The following PDE1A variants were observed in gnomAD, a reference collection of about 807,000 sequenced individuals.
The protein encoded by PDE1A is dual specificity calcium/calmodulin-dependent 3',5'-cyclic nucleotide phosphodiesterase 1A.
In PDE1A, 35 loss-of-function variants were observed where a neutral mutation model predicts 61.7. The ratio of observed to expected loss-of-function variants is 0.57; its 90% CI spans 0.43 to 0.75. PDE1A has a LOEUF of 0.75. PDE1A is among the 30% of genes least tolerant of loss of function. The pLI is 0.00. For synonymous variants in PDE1A, 232 were observed against 213.2 expected (o/e 1.09, Z -0.77); for missense variants, 597 against 630.6 (o/e 0.95, Z 0.57).
rs553915232 is a variant in PDE1A, at chr2:182,212,574, C to T, written c.777-6509G>A. Among the ~76,000 whole-genome samples, 18 of 152,216 alleles carry T rather than the reference C, an allele frequency of 1.2e-4. No homozygotes were observed. The East Asian group carries it at 2.5e-3, about 21-fold the overall frequency. ...GTGGGTGCGCGCACCGTGCGCAAGC[C>T]GAAGCAGGGCGAGGCATTGCCTCAC... is the stretch of plus-strand genomic sequence containing the variant. On this transcript the variant is annotated intron_variant, in intron 7 of 13. Coordinates refer to ENST00000351439, the Ensembl canonical transcript of PDE1A.
intron 1 of PDE1A, among the ~76,000 whole-genome samples, chr2:182,306,879 A>T (rs1695622468): frequency 6.6e-6 from 1 of 152,160 alleles, no homozygotes. Flanking sequence ...ACTATACAAC[A>T]TGGGTCTGGG....
At chr2:182,212,583 G>T (rs1329327494) in intron 7 of PDE1A, among the ~76,000 whole-genome samples, 1 of 152,242 alleles carries the variant, frequency 6.6e-6, no homozygotes, top group Non-Finnish European at 1.5e-5. Flanking sequence ...CCGAAGCAGG[G>T]CGAGGCATTG....
the PDE1A span, among the ~76,000 whole-genome samples, chr2:182,559,824 C>T: frequency 6.6e-6 from 1 of 152,128 alleles, no homozygotes; most frequent in African/African-American, 2.4e-5. Context: ...CTAAACAAAA[C>T]AGGATGACTC....
intron 1 of PDE1A, among the ~76,000 whole-genome samples, chr2:182,362,829 T>A (rs632062): frequency 1.3e-5 from 2 of 152,044 alleles, no homozygotes; most frequent in African/African-American, 4.8e-5. Flanking sequence ...TGCCCATCAA[T>A]GATAGACTGG....
the PDE1A span, among the ~76,000 whole-genome samples, chr2:182,605,200 C>T: frequency 2.0e-5 from 3 of 152,168 alleles, no homozygotes; most frequent in Non-Finnish European, 2.9e-5. Context: ...CAAGAGGCCC[C>T]GCCAATGCAG....
the PDE1A span, among the ~76,000 whole-genome samples, chr2:182,654,824 CT>C: frequency 6.6e-6 from 1 of 152,106 alleles, no homozygotes; most frequent in African/African-American, 2.4e-5. Flanking sequence ...GTTCACAACT[CT>C]TTTTTTTCCA....
chr2:182,671,659 G>A, the PDE1A span, among the ~76,000 whole-genome samples: 37 of 127,914 alleles, frequency 2.9e-4, no homozygotes, highest in East Asian at 1.2e-3. Flanking sequence ...TCGCTCTGTC[G>A]CCCAGGCTGC....
At chr2:182,400,466 C>T (rs1043856405) in intron 1 of PDE1A, among the ~76,000 whole-genome samples, 8 of 152,142 alleles carry the variant, frequency 5.3e-5, no homozygotes, top group Admixed American at 2.6e-4. Flanking sequence ...CCAGAAAGAG[C>T]TTTCAGAACA....
At chr2:182,524,786 T>C (rs763688637), upstream of PDE1A, among the ~76,000 whole-genome samples, 35 of 151,990 alleles carry the variant, frequency 2.3e-4, no homozygotes, top group Non-Finnish European at 3.7e-4. Flanking sequence ...AAAATAGTCA[T>C]AAAAATACAG....
At chr2:182,330,424 G>A (rs753577584) in intron 1 of PDE1A, among the ~76,000 whole-genome samples, 3 of 151,782 alleles carry the variant, frequency 2.0e-5, no homozygotes, top group African/African-American at 4.8e-5. Context: ...TTTTCAGAAG[G>A]GTTATAAGCC....
intron 10 of PDE1A, among the ~76,000 whole-genome samples, chr2:182,200,848 C>A (rs958975606): frequency 6.6e-6 from 1 of 152,164 alleles, no homozygotes; most frequent in African/African-American, 2.4e-5. Context: ...GTTAGCATCA[C>A]ATTTGTATTG....
chr2:182,494,502 T>A (rs1434507872), intron 2 of PDE1A, among the ~76,000 whole-genome samples: 6 of 152,094 alleles, frequency 3.9e-5, no homozygotes, highest in Non-Finnish European at 8.8e-5. Context: ...TTAAGAAACA[T>A]ACTGATGTCA....
chr2:182,463,205 C>T (rs1686426309), intron 2 of PDE1A, among the ~76,000 whole-genome samples: 1 of 151,642 alleles, frequency 6.6e-6, no homozygotes, highest in African/African-American at 2.4e-5. Context: ...CGCCACTGCA[C>T]TCCAGCCTGG....
At chr2:182,464,662 A>G (rs1304424786) in intron 2 of PDE1A, among the ~76,000 whole-genome samples, 2 of 152,200 alleles carry the variant, frequency 1.3e-5, no homozygotes, top group Non-Finnish European at 2.9e-5. Flanking sequence ...ACATCAATAA[A>G]GAATCAGGCT....
At chr2:182,320,807 A>G (rs1696649424) in intron 1 of PDE1A, among the ~76,000 whole-genome samples, 1 of 152,162 alleles carries the variant, frequency 6.6e-6, no homozygotes, top group African/African-American at 2.4e-5. Flanking sequence ...ATAATAGCAA[A>G]TTCACTGTTA....
chr2:182,463,555 A>G (rs1686449418), intron 2 of PDE1A: 2 of 152,186 alleles, frequency 1.3e-5, no homozygotes, highest in South Asian at 4.1e-4. Flanking sequence ...GATAGCCTCA[A>G]ACAAGAATGG....
chr2:182,445,149 T>C (rs1349282506), intron 2 of PDE1A, among the ~76,000 whole-genome samples: 2 of 152,114 alleles, frequency 1.3e-5, no homozygotes, highest in Admixed American at 1.3e-4. Context: ...ATTTACGCCT[T>C]ATGCAGGCAA....
chr2:182,601,868 C>T, the PDE1A span, among the ~76,000 whole-genome samples: 1 of 152,136 alleles, frequency 6.6e-6, no homozygotes, highest in African/African-American at 2.4e-5. Context: ...TTTTATGGGC[C>T]CCAGAGGGGA....
the PDE1A span, among the ~76,000 whole-genome samples, chr2:182,540,669 A>G: frequency 6.6e-6 from 1 of 152,226 alleles, no homozygotes; most frequent in South Asian, 2.1e-4. Context: ...ATTCAAAATT[A>G]TATATGATCT....
Sources: gnomAD v4.1 joint callset for allele counts (sites outside exome capture counted in the v4.1 genomes callset) on GRCh38, gnomAD v4.1.1 for gene constraint, MANE v1.5 for transcripts, NCBI Gene and HGNC (gene_info 2026-07-23, HGNC 2026-07-21) for gene names.